Variants in KDM6A observed in about 807,000 individuals in gnomAD.
The protein encoded by KDM6A is lysine demethylase 6A.
A neutral mutation model predicts 117.6 loss-of-function variants in KDM6A; 11 were observed. The ratio of observed to expected loss-of-function variants is 0.09; its 90% CI spans 0.06 to 0.15. The LOEUF (loss-of-function observed/expected upper bound fraction) is 0.15. Among genes scored for constraint, KDM6A ranks in the 10% least tolerant of loss-of-function variants. The probability of loss-of-function intolerance (pLI) is 1.00; values close to 1 mark genes in which losing one functional copy is unlikely to be tolerated. For synonymous variants in KDM6A, 384 were observed against 396.1 expected (o/e 0.97, Z 0.36); for missense variants, 799 against 1,077.3 (o/e 0.74, Z 3.62).
intron 29 of KDM6A, among the ~76,000 whole-genome samples, chrX:45,110,898 A>T (rs1291951656): frequency 8.9e-6 from 1 of 112,086 alleles, no homozygotes; most frequent in African/African-American, 3.2e-5. Context: ...TCTCCCACAC[A>T]TATGTGATCA....
intron 4 of KDM6A, among the ~76,000 whole-genome samples, chrX:44,980,992 C>T (rs1012688464): frequency 1.8e-5 from 2 of 110,624 alleles, no homozygotes; most frequent in African/African-American, 6.6e-5. Flanking sequence ...CTTCCCCCTA[C>T]TTCATGTTTT....
chrX:44,884,440 C>A (rs955949756), intron 2 of KDM6A, among the ~76,000 whole-genome samples: 5 of 111,442 alleles, frequency 4.5e-5, no homozygotes, highest in Non-Finnish European at 9.4e-5. Context: ...CTGTTCCTAC[C>A]ACTTACTAGA....
intron 6 of KDM6A, among the ~76,000 whole-genome samples, chrX:45,025,471 G>A (rs1229516604): frequency 1.8e-5 from 2 of 112,007 alleles, no homozygotes; most frequent in Non-Finnish European, 3.8e-5. Context: ...CCTAATTCAG[G>A]ACTTTTATTT....
rs978050573 is a variant in KDM6A, at chrX:44,980,146, G to C, written c.384+5431G>C. ...CCAGTAGCTGGAACTATAGGCCCAC[G>C]CCACCACGCCTGGCTAATATTTTGT... is the stretch of plus-strand genomic sequence containing the variant. On this transcript the variant is annotated intron_variant, in intron 4 of 29. Transcript: ENST00000611820. Among the ~76,000 whole-genome samples the C allele has an allele frequency of 1.9e-5, 2 of 107,502 alleles. 1 individual carries two copies. Among genetic ancestry groups the C allele is most frequent in the Non-Finnish European group, 3.8e-5 (2 of 52,401 alleles). The allele number at this position is 107,502 out of a possible 115,157, so 93.4% of individuals were successfully genotyped here.
Position 45,107,448 on chromosome X carries a change from T to G in KDM6A, c.4073T>G (p.Leu1358Trp). ...AGAACTCTGAAGCAATGTCAGACATTGAGGGAAGCTCTCATTGCTGCAGGA... is the reference window on the plus strand; with the variant it reads ...AGAACTCTGAAGCAATGTCAGACATGGAGGGAAGCTCTCATTGCTGCAGGA... ...LLRTLKQCQTLREALIAAGKE... is the reference protein window; with the variant it reads ...LLRTLKQCQTWREALIAAGKE... Residue 1358 changes from leucine (L) to tryptophan (W), a missense_variant, in exon 28 of 30, where the codon TTG becomes TGG. Transcript: ENST00000611820. 8.3e-7 allele frequency: 1 copy of G among 1,207,827 alleles called. No individual in the cohort carries two copies. Among genetic ancestry groups the G allele is most frequent in the Non-Finnish European group, 1.1e-6 (1 of 892,011 alleles).
intron 2 of KDM6A, among the ~76,000 whole-genome samples, chrX:44,894,617 ATTAAT>A (rs1287653017): frequency 2.1e-5 from 2 of 95,516 alleles, no homozygotes; most frequent in African/African-American, 8.3e-5. Flanking sequence ...TAATTAATTA[ATTAAT>A]TTTTTTTTTT....
intron 2 of KDM6A, among the ~76,000 whole-genome samples, chrX:44,934,266 A>T (rs1052752863): frequency 2.8e-4 from 31 of 111,537 alleles, no homozygotes; most frequent in Non-Finnish European, 1.3e-4. Context: ...TTCACTATTG[A>T]CTAGTGTCGA....
chrX:44,955,048 C>T (rs1225258079), intron 2 of KDM6A, among the ~76,000 whole-genome samples: 1 of 111,399 alleles, frequency 9.0e-6, no homozygotes, highest in African/African-American at 3.3e-5. Context: ...TGAACAGTGC[C>T]AGAAACTTAA....
At position 44,873,614 on chromosome X, in the gene KDM6A, G is replaced by A; in HGVS notation, c.63G>A (p.Glu21=). The change falls in exon 1 of 30, where the codon GAG becomes GAA. Residue 21 remains glutamate (E), a synonymous_variant. Coordinates refer to ENST00000611820, the MANE Select transcript of KDM6A (RefSeq NM_001291415.2). ...AAAAAAAFGD[E]EKKMAAGKAS... Reference sequence around the variant, plus strand: ...CTGCCGCCGCCGCTTTCGGTGATGAGGAAAAGAAAATGGCGGCGGGAAAAG... The same window carrying A: ...CTGCCGCCGCCGCTTTCGGTGATGAAGAAAAGAAAATGGCGGCGGGAAAAG... 2 of 1,205,137 alleles carry A rather than the reference G, an allele frequency of 1.7e-6. No individual in the cohort carries two copies. Among genetic ancestry groups the A allele is most frequent in the Non-Finnish European group, 2.2e-6 (2 of 892,281 alleles).
chrX:44,982,086 C>T (rs753362238), intron 4 of KDM6A, among the ~76,000 whole-genome samples: 12 of 110,980 alleles, frequency 1.1e-4, no homozygotes, highest in Non-Finnish European at 1.7e-4. Context: ...TAAACAAAAC[C>T]GACCTTTTTC....
At chrX:44,933,917 A>G (rs1481550066) in intron 2 of KDM6A, among the ~76,000 whole-genome samples, 1 of 112,475 alleles carries the variant, frequency 8.9e-6, no homozygotes, top group Non-Finnish European at 1.9e-5. Flanking sequence ...ATATTTTAAA[A>G]TCATATTTTC....
rs34006049 is a variant in KDM6A, at chrX:44,958,604, C to CTTTTTTTTTTTTTTT, written c.226-2669_226-2655dup. Among the ~76,000 whole-genome samples, 10 of 56,453 alleles carry CTTTTTTTTTTTTTTT rather than the reference C, an allele frequency of 1.8e-4. 3 individuals are homozygous for CTTTTTTTTTTTTTTT. The highest frequency in any genetic ancestry group is 9.1e-4 in the African/African-American group (9 of 9,857). The allele number at this position is 56,453 out of a possible 115,157, so 49.0% of individuals were successfully genotyped here. A position where few individuals can be genotyped will look rare whatever the true frequency, so the allele number is the denominator to read the frequency against. ...TTCTGTGTGGGACAACTATATAGAC[C>CTTTTTTTTTTTTTTT]TTTTTTTTTTTTTTTTTTTTTTTTT... On this transcript the variant is annotated intron_variant, in intron 2 of 29. Transcript: ENST00000611820.
At chrX:45,074,809 C>T (rs1489632559) in intron 18 of KDM6A, among the ~76,000 whole-genome samples, 1 of 111,891 alleles carries the variant, frequency 8.9e-6, no homozygotes, top group Non-Finnish European at 1.9e-5. Flanking sequence ...TTTTTCTTTT[C>T]TATTTTAAAA....
At chrX:44,893,001 T>C (rs1394069033) in intron 2 of KDM6A, among the ~76,000 whole-genome samples, 1 of 50,242 alleles carries the variant, frequency 2.0e-5, no homozygotes, top group Non-Finnish European at 3.5e-5. Context: ...AGACTCCATC[T>C]AAAAAAAAAA....
chrX:44,920,175 C>T (rs1301958375), intron 2 of KDM6A, among the ~76,000 whole-genome samples: 1 of 111,952 alleles, frequency 8.9e-6, no homozygotes, highest in African/African-American at 3.2e-5. Flanking sequence ...TTGTATTTCT[C>T]AAGTCTTCTC....
At chrX:45,040,469 C>A (rs1330565269) in intron 8 of KDM6A, among the ~76,000 whole-genome samples, 83 of 84,185 alleles carry the variant, frequency 9.9e-4, no homozygotes, top group South Asian at 1.9e-3. Flanking sequence ...ACCTCCCTCC[C>A]GGATGGGGCG....
chrX:45,090,341 G>A (rs1158471021), intron 26 of KDM6A, among the ~76,000 whole-genome samples: 1 of 112,215 alleles, frequency 8.9e-6, no homozygotes, highest in Non-Finnish European at 1.9e-5. Flanking sequence ...GGTTAAGAAT[G>A]TGGAGTTTAG....
chrX:45,082,729 G>A lies in KDM6A; in HGVS notation c.3380G>A (p.Arg1127Lys), dbSNP rs1008156342. ...TCTTTTTTAAGTTCTGGGAGGAGGA[G>A]GAAAGGACCCTTTAAAACCATAAAG... ...STSSDNSGRR[R>K]KGPFKTIKFG... Residue 1127 changes from arginine to lysine, a missense_variant, in exon 23 of 30, where the codon AGG becomes AAG. Coordinates refer to ENST00000611820, the MANE Select transcript of KDM6A (RefSeq NM_001291415.2). 1 of 1,205,476 alleles carries A rather than the reference G, an allele frequency of 8.3e-7. No individual in the cohort carries two copies. Among genetic ancestry groups the A allele is most frequent in the Non-Finnish European group, 1.1e-6 (1 of 890,312 alleles).
chrX:45,075,804 G>T (rs1327870352), intron 18 of KDM6A, among the ~76,000 whole-genome samples: 1 of 111,346 alleles, frequency 9.0e-6, no homozygotes. Flanking sequence ...GAGTTTTTGA[G>T]TTCCCAGAAT....
Sources: allele counts gnomAD v4.1 joint callset (sites outside exome capture counted in the v4.1 genomes callset), GRCh38; gene constraint gnomAD v4.1.1; transcripts MANE v1.5; gene names NCBI Gene and HGNC (gene_info 2026-07-23, HGNC 2026-07-21).